MROH1: variants seen among roughly 807,000 people sequenced by gnomAD.
MROH1 encodes the protein maestro heat-like repeat-containing protein family member 1.
In MROH1, 117 loss-of-function variants were observed where a neutral mutation model predicts 116.5. The observed-to-expected ratio is 1.00, with a 90% CI of 0.86 to 1.17. The LOEUF is 1.17. Among genes scored for constraint, MROH1 ranks in the 50% most tolerant of loss-of-function variants. The pLI, the probability that MROH1 is intolerant of heterozygous loss-of-function variation, is 0.00. For synonymous variants in MROH1, 921 were observed against 583.9 expected (o/e 1.58, Z -8.32); for missense variants, 1,873 against 1,338.5 (o/e 1.40, Z -6.23).
At chr8:144,179,340 T>C in intron 4 of MROH1, 115 bp from the exon 5 acceptor site, 1 of 1,456,718 alleles carries the variant, frequency 6.9e-7, no homozygotes, top group Non-Finnish European at 9.3e-7. Flanking sequence ...CCTCCCCTCC[T>C]GCACTTGAGG....
rs1842126257 is a variant in MROH1, at chr8:144,247,644, G to A, written c.3085G>A (p.Ala1029Thr). The A allele has an allele frequency of 2.1e-5, 16 of 768,620 alleles. No homozygotes were observed. The highest frequency in any genetic ancestry group is 6.4e-4 in the Middle Eastern group (2 of 3,128). 47.6% of individuals were successfully genotyped at this position (768,620 alleles called of 1,614,324 possible). The change falls in exon 31 of 44, where the codon GCC becomes ACC. Residue 1029 changes from alanine to threonine, a missense_variant. Transcript: ENST00000326134. ...GGACGGCCTCGTGCACCCTGACCCCGCCATTCTCTTCCACACCTGCCACAG... is the reference window on the plus strand; with the variant it reads ...GGACGGCCTCGTGCACCCTGACCCCACCATTCTCTTCCACACCTGCCACAG... ...LKDGLVHPDPAILFHTCHSVG... is the reference protein window; with the variant it reads ...LKDGLVHPDPTILFHTCHSVG...
chr8:144,221,150 A>G (rs1564509425), intron 13 of MROH1, among the ~76,000 whole-genome samples: 1 of 152,138 alleles, frequency 6.6e-6, no homozygotes, highest in Non-Finnish European at 1.5e-5. Context: ...ACAGAGCATC[A>G]CAACCAGGGA....
At chr8:144,242,667 T>C in intron 24 of MROH1, 39 bp downstream of exon 24, 1 of 771,816 alleles carries the variant, frequency 1.3e-6, no homozygotes, top group African/African-American at 1.7e-5. Context: ...CTGGCTTCTC[T>C]CCTCTCGGCT....
rs1263833192 is a variant in MROH1, at chr8:144,261,770, A to G, written c.*30A>G. ...CCGGCCAGCACCCCCAGCGAGGAGT[A>G]TGCACCCAGACCTGTGCCTGAGCTC... On this transcript the variant is annotated 3_prime_UTR_variant, in exon 44 of 44. Coordinates refer to ENST00000326134, the MANE Select transcript of MROH1 (RefSeq NM_032450.3). The G allele has an allele frequency of 8.5e-6, 6 of 702,780 alleles. No individual in the cohort carries two copies. In the African/African-American group the frequency reaches 8.7e-5, roughly 10 times the overall value. 43.5% of individuals were successfully genotyped at this position (702,780 alleles called of 1,614,324 possible).
At chr8:144,188,425 T>A (rs902979496) in intron 7 of MROH1, among the ~76,000 whole-genome samples, 1 of 145,636 alleles carries the variant, frequency 6.9e-6, no homozygotes, top group Admixed American at 6.9e-5. Context: ...ACAGCAGCCC[T>A]GGGTCAGGTG....
At chr8:144,192,929 G>A (rs1005232887) in intron 10 of MROH1, 6 of 288,204 alleles carry the variant, frequency 2.1e-5, no homozygotes, top group East Asian at 1.2e-4. Context: ...CCTTGGCACT[G>A]GGGGTCATCT....
intron 4 of MROH1, among the ~76,000 whole-genome samples, chr8:144,169,494 C>T (rs1243507870): frequency 6.6e-6 from 1 of 150,704 alleles, no homozygotes; most frequent in Non-Finnish European, 1.5e-5. Flanking sequence ...ACTCTGTTGC[C>T]CGGGCTGGAG....
At chr8:144,198,056 A>G (rs1830333704) in intron 10 of MROH1, among the ~76,000 whole-genome samples, 1 of 151,310 alleles carries the variant, frequency 6.6e-6, no homozygotes, top group South Asian at 2.1e-4. Flanking sequence ...TCAAAAAAAA[A>G]AAAAAAAAGA....
chr8:144,240,373 C>A (rs1002517493), intron 19 of MROH1, among the ~76,000 whole-genome samples, 197 bp from the exon 20 acceptor site: 1 of 152,190 alleles, frequency 6.6e-6, no homozygotes, highest in Non-Finnish European at 1.5e-5. Context: ...CCCCAAGCGT[C>A]GGGGGCAACC....
intron 14 of MROH1, among the ~76,000 whole-genome samples, chr8:144,234,079 G>A (rs907096321): frequency 5.9e-5 from 9 of 152,072 alleles, no homozygotes; most frequent in Admixed American, 2.0e-4. Flanking sequence ...GCGCGATCTC[G>A]GCTCACTGCA....
At chr8:144,245,094 C>T (rs1841663079) in intron 28 of MROH1, 62 bp from the exon 29 acceptor site, 3 of 777,510 alleles carry the variant, frequency 3.9e-6, no homozygotes, top group African/African-American at 3.4e-5. Flanking sequence ...CCACGATGCA[C>T]AAGGCTCCTG....
chr8:144,188,376 G>A (rs1390856529), intron 7 of MROH1, among the ~76,000 whole-genome samples: 1 of 150,758 alleles, frequency 6.6e-6, no homozygotes, highest in Non-Finnish European at 1.5e-5. Context: ...CCCCAACCTG[G>A]CCCTCTGCAC....
At chr8:144,191,394 A>T (rs1472855660) in intron 8 of MROH1, among the ~76,000 whole-genome samples, 1 of 152,168 alleles carries the variant, frequency 6.6e-6, no homozygotes, top group Non-Finnish European at 1.5e-5. Context: ...ACACCTGCAC[A>T]GGGCCCCCTC....
chr8:144,209,135 G>A (rs575330506), intron 12 of MROH1, among the ~76,000 whole-genome samples: 1 of 151,832 alleles, frequency 6.6e-6, no homozygotes, highest in East Asian at 1.9e-4. Flanking sequence ...GGACTCAAGT[G>A]ATCTGCCCGC....
intron 12 of MROH1, among the ~76,000 whole-genome samples, chr8:144,214,661 G>A (rs997065761): frequency 1.3e-5 from 2 of 152,186 alleles, no homozygotes; most frequent in South Asian, 2.1e-4. Flanking sequence ...GTGGGGCCGC[G>A]GCCACCCCAG....
rs958685897 is a variant in MROH1 at position 144,240,427 on chromosome 8, G to A, written c.1828-143G>A. 2.9e-4 allele frequency: 197 copies of A among 687,732 alleles called. 1 individual carries two copies. In the East Asian group the frequency reaches 2.9e-3, roughly 10 times the overall value. 42.6% of individuals were successfully genotyped at this position (687,732 alleles called of 1,614,324 possible). A position where few individuals can be genotyped will look rare whatever the true frequency, so the allele number is the denominator to read the frequency against. On this transcript the variant is annotated intron_variant, in intron 19 of 43. Transcript: ENST00000326134. The stretch of plus-strand genomic sequence containing the variant: ...GCCAACTGTGGCATGGCTGTCCCCT[G>A]AGGGTTGGCTCTGCCGCCCCCGGCC...
At chr8:144,239,906 T>C (rs928480118) in intron 18 of MROH1, among the ~76,000 whole-genome samples, 151 bp downstream of exon 18, 3 of 152,208 alleles carry the variant, frequency 2.0e-5, no homozygotes, top group South Asian at 2.1e-4. Flanking sequence ...CAGTCTCCCC[T>C]GTTGTCCAAG....
At position 144,254,809 on chromosome 8, in the gene MROH1, C is replaced by G. The variant is rs1253334403; in HGVS notation, c.3429-4C>G. ...CTCAAAGTGACTCTCCTGCTCTGCT[C>G]CAGCCACACCTGCATGCTGTGGCGG... On this transcript the variant is annotated splice_polypyrimidine_tract_variant and splice_region_variant and intron_variant, in intron 33 of 43. Coordinates refer to ENST00000326134, the MANE Select transcript of MROH1 (RefSeq NM_032450.3). The G allele has an allele frequency of 2.6e-6, 2 of 776,316 alleles. No individual in the cohort carries two copies. The highest frequency in any genetic ancestry group is 4.8e-6 in the Non-Finnish European group (2 of 417,418). The allele number at this position is 776,316 out of a possible 1,614,324, so 48.1% of individuals were successfully genotyped here. A position where few individuals can be genotyped will look rare whatever the true frequency, so the allele number is the denominator to read the frequency against.
Position 144,223,107 on chromosome 8 carries a change from G to A in MROH1, c.1216-1G>A. ...TGATCTCCCATTTGTTCTCTGGGCA[G>A]GTGAAGCGGGCAGTGGTGCAGGTGA... On this transcript the variant is annotated splice_acceptor_variant, in intron 13 of 43. Transcript: ENST00000326134. LOFTEE classifies it high-confidence loss of function. The A allele has an allele frequency of 6.2e-7, 1 of 1,613,344 alleles. No homozygotes were observed. Among genetic ancestry groups the A allele is most frequent in the Non-Finnish European group, 8.5e-7 (1 of 1,179,646 alleles).
Sources: gnomAD v4.1 joint callset for allele counts (sites outside exome capture counted in the v4.1 genomes callset) on GRCh38, gnomAD v4.1.1 for gene constraint, MANE v1.5 for transcripts, NCBI Gene and HGNC (gene_info 2026-07-23, HGNC 2026-07-21) for gene names.